The following OTOP1 variants were observed in gnomAD, a reference collection of about 807,000 sequenced individuals.
OTOP1 encodes the protein otopetrin 1, also known as proton channel OTOP1.
In OTOP1, 59 loss-of-function variants were observed where a neutral mutation model predicts 52.9. The ratio of observed to expected loss-of-function variants is 1.12; its 90% CI spans 0.91 to 1.39. The LOEUF (loss-of-function observed/expected upper bound fraction) is 1.39, where lower values mean the gene tolerates loss of function less well. Ranked by LOEUF, OTOP1 falls within the 40% of genes most tolerant of loss-of-function variation. The pLI, the probability that OTOP1 is intolerant of heterozygous loss-of-function variation, is 0.00. For synonymous variants in OTOP1, 317 were observed against 337.7 expected (o/e 0.94, Z 0.67); for missense variants, 761 against 800.9 (o/e 0.95, Z 0.60).
At chr4:4,208,778 A>G (rs1272507489) in intron 2 of OTOP1, among the ~76,000 whole-genome samples, 3 of 90,458 alleles carry the variant, frequency 3.3e-5, no homozygotes, top group African/African-American at 1.6e-4. Context: ...TGATTGTCAA[A>G]CTAAAAAAAA....
intron 5 of OTOP1, among the ~76,000 whole-genome samples, chr4:4,196,569 GT>G (rs1050180909): frequency 6.6e-6 from 1 of 152,004 alleles, no homozygotes; most frequent in African/African-American, 2.4e-5. Context: ...AAAAAAGAGA[GT>G]TTTTTAAATT....
chr4:4,189,458 C>T (rs138038014), intron 5 of OTOP1, among the ~76,000 whole-genome samples: 120 of 152,320 alleles, frequency 7.9e-4, no homozygotes, highest in African/African-American at 2.7e-3. Flanking sequence ...TGTCAGGCTC[C>T]TCACTCCCGC....
intron 1 of OTOP1, among the ~76,000 whole-genome samples, chr4:4,219,327 A>G (rs1275477861): frequency 1.3e-5 from 2 of 152,224 alleles, no homozygotes; most frequent in South Asian, 2.1e-4. Flanking sequence ...GAATGGCAAT[A>G]TTAATATCAG....
intron 1 of OTOP1, among the ~76,000 whole-genome samples, chr4:4,224,390 G>A (rs1005780260): frequency 1.0e-4 from 15 of 150,592 alleles, no homozygotes; most frequent in Non-Finnish European, 1.6e-4. Context: ...GAGGGAAGGC[G>A]AGGGAATAGG....
intron 4 of OTOP1, among the ~76,000 whole-genome samples, chr4:4,200,935 C>T (rs907264991): frequency 3.4e-4 from 51 of 152,116 alleles, no homozygotes; most frequent in African/African-American, 1.2e-3. Context: ...GGGAAGAAAG[C>T]AGGAGGAAAA....
At chr4:4,212,454 G>T (rs1384812151) in intron 2 of OTOP1, among the ~76,000 whole-genome samples, 1 of 152,150 alleles carries the variant, frequency 6.6e-6, no homozygotes, top group Non-Finnish European at 1.5e-5. Flanking sequence ...AAATAAAATT[G>T]ATTTTGGCAA....
In OTOP1 at chr4:4,196,807, T is replaced by C. The variant is rs541292418; in HGVS notation, c.1668+359A>G. 1.3e-4 allele frequency among the ~76,000 whole-genome samples: 20 copies of C among 152,342 alleles called. 1 individual carries two copies. In the South Asian group the frequency reaches 4.1e-3, roughly 32 times the overall value. ...CTTAAAAAAGAATGAAATCACACTA[T>C]TTGCAGCAACCTGGATAGAACTGGA... On this transcript the variant is annotated intron_variant, in intron 5 of 5. Coordinates refer to ENST00000296358, the MANE Select transcript of OTOP1 (RefSeq NM_177998.3).
chr4:4,225,919 G>A (rs1456096313), intron 1 of OTOP1, among the ~76,000 whole-genome samples: 3 of 152,220 alleles, frequency 2.0e-5, no homozygotes, highest in Non-Finnish European at 4.4e-5. Flanking sequence ...GGAGAATGGG[G>A]TGAGGCCTGA....
At chr4:4,210,794 G>A (rs1213188904) in intron 2 of OTOP1, among the ~76,000 whole-genome samples, 1 of 152,128 alleles carries the variant, frequency 6.6e-6, no homozygotes, top group Non-Finnish European at 1.5e-5. Flanking sequence ...TTACGCCATT[G>A]CACTGCAGCC....
At position 4,188,993 on chromosome 4, in the gene OTOP1, G is replaced by C. The variant is rs377271033; in HGVS notation, c.1669-20C>G. 1.9e-6 allele frequency: 3 copies of C among 1,607,762 alleles called. No homozygotes were observed. In the African/African-American group the frequency reaches 4.0e-5, roughly 22 times the overall value. On this transcript the variant is annotated intron_variant, in intron 5 of 5. Coordinates refer to ENST00000296358, the MANE Select transcript of OTOP1 (RefSeq NM_177998.3). ...CCAAAGCTGCAAGAGAAGAGAAAAT[G>C]GCATGTGGTGGGGAGCAGCTTCCAA...
At chr4:4,221,524 G>T (rs1205332981) in intron 1 of OTOP1, among the ~76,000 whole-genome samples, 1 of 152,118 alleles carries the variant, frequency 6.6e-6, no homozygotes, top group East Asian at 1.9e-4. Flanking sequence ...CTCCTCCCAG[G>T]CCCCTGGTTG....
At chr4:4,211,999 G>A (rs1344304252) in intron 2 of OTOP1, among the ~76,000 whole-genome samples, 1 of 152,106 alleles carries the variant, frequency 6.6e-6, no homozygotes, top group Non-Finnish European at 1.5e-5. Flanking sequence ...AAAAAGAAAG[G>A]CAACTATGTG....
At chr4:4,191,817 A>G (rs539682275) in intron 5 of OTOP1, among the ~76,000 whole-genome samples, 471 of 152,324 alleles carry the variant, frequency 3.1e-3, no homozygotes, top group Middle Eastern at 6.8e-3. Flanking sequence ...GAGGAAGACC[A>G]GAGATCTTGG....
At chr4:4,212,804 T>C in intron 2 of OTOP1, 64 bp downstream of exon 2, 2 of 1,576,620 alleles carry the variant, frequency 1.3e-6, no homozygotes, top group Admixed American at 1.7e-5. Flanking sequence ...TGTTACAAGT[T>C]TCTACACAAC....
At chr4:4,216,452 C>T (rs1193376353) in intron 1 of OTOP1, among the ~76,000 whole-genome samples, 2 of 152,098 alleles carry the variant, frequency 1.3e-5, no homozygotes, top group Non-Finnish European at 2.9e-5. Flanking sequence ...TCGTGTATGA[C>T]GTGCATTAAG....
At chr4:4,191,957 G>A (rs1356018840) in intron 5 of OTOP1, among the ~76,000 whole-genome samples, 1 of 152,194 alleles carries the variant, frequency 6.6e-6, no homozygotes, top group African/African-American at 2.4e-5. Flanking sequence ...AAGGAAGGCA[G>A]GAAAATGGGA....
At chr4:4,194,296 C>A (rs1205440403) in intron 5 of OTOP1, among the ~76,000 whole-genome samples, 2 of 152,164 alleles carry the variant, frequency 1.3e-5, no homozygotes, top group African/African-American at 4.8e-5. Context: ...TTGGAACATG[C>A]ACCTCAAAAA....
At chr4:4,212,406 A>C (rs1368557364) in intron 2 of OTOP1, among the ~76,000 whole-genome samples, 1 of 152,248 alleles carries the variant, frequency 6.6e-6, no homozygotes, top group Non-Finnish European at 1.5e-5. Flanking sequence ...GCAATGGCAC[A>C]AGGTTTCTAT....
intron 3 of OTOP1, among the ~76,000 whole-genome samples, chr4:4,203,958 A>G (rs576878213): frequency 6.6e-6 from 1 of 152,200 alleles, no homozygotes; most frequent in South Asian, 2.1e-4. Flanking sequence ...TCAACTCAAT[A>G]CCTATAGGAC....
Sources: allele counts gnomAD v4.1 joint callset (sites outside exome capture counted in the v4.1 genomes callset), GRCh38; gene constraint gnomAD v4.1.1; transcripts MANE v1.5; gene names NCBI Gene and HGNC (gene_info 2026-07-23, HGNC 2026-07-21).